The following DNAJC13 variants were observed in gnomAD, a reference collection of about 807,000 sequenced individuals.
DNAJC13 encodes the protein dnaJ homolog subfamily C member 13.
Under a neutral mutation model 290.5 loss-of-function variants are expected in DNAJC13, and 75 were observed. The observed-to-expected ratio is 0.26, with a 90% CI of 0.21 to 0.31. The LOEUF (loss-of-function observed/expected upper bound fraction) is 0.31. DNAJC13 is among the 10% of genes least tolerant of loss of function. The probability of loss-of-function intolerance (pLI) is 1.00; values close to 1 mark genes in which losing one functional copy is unlikely to be tolerated. For missense variants in DNAJC13, 2,260 were observed against 2,674.5 expected, an observed-to-expected ratio of 0.85 and a Z score of 3.42; for synonymous variants, 862 against 892.0, an observed-to-expected ratio of 0.97 and a Z score of 0.60.
chr3:132,471,579 G>T (rs1394941007), intron 20 of DNAJC13, among the ~76,000 whole-genome samples: 3 of 139,438 alleles, frequency 2.2e-5, no homozygotes, highest in African/African-American at 8.1e-5. Flanking sequence ...GGTCTCGGCC[G>T]GGCAGAGGCA....
Position 132,511,141 on chromosome 3 carries a change from C to T in DNAJC13, c.5190C>T (p.Ala1730=). ...SQAQYLHTFM[A]ITHAAKVESE... ...CCCAATACTTGCACACATTCATGGCCATCACACACGCGGCAAAAGTGGAGT... is the reference window on the plus strand; with the variant it reads ...CCCAATACTTGCACACATTCATGGCTATCACACACGCGGCAAAAGTGGAGT... The change falls in exon 44 of 56, where the codon GCC becomes GCT. Residue 1730 remains alanine (A), a synonymous_variant. Coordinates refer to ENST00000260818, the MANE Select transcript of DNAJC13 (RefSeq NM_015268.4). The T allele has an allele frequency of 6.2e-7, 1 of 1,613,928 alleles. No homozygotes were observed. Among genetic ancestry groups the T allele is most frequent in the Non-Finnish European group, 8.5e-7 (1 of 1,179,932 alleles).
At position 132,427,112 on chromosome 3, in the gene DNAJC13, T is replaced by A. The variant is rs929174650; in HGVS notation, c.-13-7426T>A. ...GTGTGTGTGTGTGTGTGCACGTGTGTGTGTGTGTATATATATATATATTTT... is the reference window on the plus strand; with the variant it reads ...GTGTGTGTGTGTGTGTGCACGTGTGAGTGTGTGTATATATATATATATTTT... On this transcript the variant is annotated intron_variant, in intron 1 of 55. Coordinates refer to ENST00000260818, the MANE Select transcript of DNAJC13 (RefSeq NM_015268.4). Among the ~76,000 whole-genome samples, 5 of 128,554 alleles carry A rather than the reference T, an allele frequency of 3.9e-5. No individual in the cohort carries two copies. In the East Asian group the frequency reaches 6.9e-4, roughly 18 times the overall value. The allele number at this position is 128,554 out of a possible 152,430, so 84.3% of individuals were successfully genotyped here. A position where few individuals can be genotyped will look rare whatever the true frequency, so the allele number is the denominator to read the frequency against.
At chr3:132,430,569 G>T (rs1939213945) in intron 1 of DNAJC13, among the ~76,000 whole-genome samples, 1 of 151,996 alleles carries the variant, frequency 6.6e-6, no homozygotes, top group Non-Finnish European at 1.5e-5. Context: ...TAGGCCCTTG[G>T]TACAGAGTCA....
At chr3:132,495,210 T>A in intron 35 of DNAJC13, 44 bp downstream of exon 35, 1 of 1,479,018 alleles carries the variant, frequency 6.8e-7, no homozygotes, top group Non-Finnish European at 9.4e-7. Flanking sequence ...TTCCTCTTGC[T>A]CTATTATTAT....
At chr3:132,456,061 C>T (rs1005413947) in intron 9 of DNAJC13, among the ~76,000 whole-genome samples, 174 bp from the exon 10 acceptor site, 3 of 152,144 alleles carry the variant, frequency 2.0e-5, no homozygotes, top group East Asian at 3.8e-4. Context: ...TGTAGCAGCA[C>T]GGTGAAGAGC....
In DNAJC13 at chr3:132,456,658, C is replaced by T; in HGVS notation, c.1180-5C>T. The stretch of plus-strand genomic sequence containing the variant: ...ACTTTTTTGAAATACTCTTTCTTCA[C>T]CTAGGGTCTCTTCTCAGAAAACAAA... On this transcript the variant is annotated splice_polypyrimidine_tract_variant and splice_region_variant and intron_variant, in intron 11 of 55. Transcript: ENST00000260818. 5.0e-6 allele frequency: 8 copies of T among 1,613,586 alleles called. No homozygotes were observed. Among genetic ancestry groups the T allele is most frequent in the Non-Finnish European group, 5.1e-6 (6 of 1,179,740 alleles).
chr3:132,431,669 C>T (rs754829861), intron 1 of DNAJC13, among the ~76,000 whole-genome samples: 17 of 152,124 alleles, frequency 1.1e-4, no homozygotes, highest in Admixed American at 7.9e-4. Flanking sequence ...TATGTATGTT[C>T]ACACAAAAAC....
intron 20 of DNAJC13, among the ~76,000 whole-genome samples, chr3:132,471,071 C>A: frequency 7.7e-6 from 1 of 130,430 alleles, no homozygotes; most frequent in South Asian, 2.5e-4. Flanking sequence ...GGGGGGCTTA[C>A]CCCCCCACCT....
chr3:132,466,511 T>A, intron 19 of DNAJC13, 117 bp downstream of exon 19: 1 of 685,508 alleles, frequency 1.5e-6, no homozygotes, highest in Non-Finnish European at 2.2e-6. Flanking sequence ...CATTGAATAG[T>A]ATACTTAACT....
chr3:132,523,720 T>C lies in DNAJC13; in HGVS notation c.6060+7T>C. On this transcript the variant is annotated splice_region_variant and intron_variant, in intron 51 of 55. Transcript: ENST00000260818. ...AGAGAAGAACAATCCTCATGTAAGC[T>C]TCAGTCAAAAGCAAAACATTTCAAA... 1 of 1,610,208 alleles carries C rather than the reference T, an allele frequency of 6.2e-7. No individual in the cohort carries two copies. The highest frequency in any genetic ancestry group is 8.5e-7 in the Non-Finnish European group (1 of 1,178,578).
chr3:132,473,615 A>G (rs1233648814), intron 21 of DNAJC13, among the ~76,000 whole-genome samples: 2 of 152,088 alleles, frequency 1.3e-5, no homozygotes, highest in Non-Finnish European at 2.9e-5. Context: ...CTTCCCTCCT[A>G]TCAAATGTGG....
At chr3:132,514,183 T>A (rs181560551) in intron 45 of DNAJC13, among the ~76,000 whole-genome samples, 2 of 152,282 alleles carry the variant, frequency 1.3e-5, no homozygotes. Flanking sequence ...ACATACCTAT[T>A]TCTTTATAAT....
At chr3:132,478,853 T>TTTGTTGCA (rs1673918714) in intron 24 of DNAJC13, among the ~76,000 whole-genome samples, 1 of 152,218 alleles carries the variant, frequency 6.6e-6, no homozygotes, top group South Asian at 2.1e-4. Flanking sequence ...TTGCTGCCTG[T>TTTGTTGCA]TTGTTGCAGT....
At chr3:132,451,260 G>C (rs993744080) in intron 6 of DNAJC13, among the ~76,000 whole-genome samples, 2 of 152,062 alleles carry the variant, frequency 1.3e-5, no homozygotes, top group Non-Finnish European at 2.9e-5. Flanking sequence ...CCAGGAGTTT[G>C]AGACCTGCCT....
At chr3:132,467,557 C>T (rs1314647643) in intron 20 of DNAJC13, among the ~76,000 whole-genome samples, 12 of 152,166 alleles carry the variant, frequency 7.9e-5, no homozygotes, top group Non-Finnish European at 1.8e-4. Flanking sequence ...GCTCCGCCTC[C>T]TGGGTTCACG....
At chr3:132,460,541 C>T (rs182640066) in intron 14 of DNAJC13, among the ~76,000 whole-genome samples, 184 bp downstream of exon 14, 11 of 151,846 alleles carry the variant, frequency 7.2e-5, no homozygotes, top group African/African-American at 2.2e-4. Flanking sequence ...ATCCATTCAC[C>T]TGGGAAGGAT....
chr3:132,459,995 G>A (rs568507226), intron 13 of DNAJC13, among the ~76,000 whole-genome samples: 1 of 152,306 alleles, frequency 6.6e-6, no homozygotes, highest in African/African-American at 2.4e-5. Context: ...AATAAGATCT[G>A]TGACTTTTGA....
chr3:132,533,583 G>C (rs545302541), intron 55 of DNAJC13, among the ~76,000 whole-genome samples: 5 of 150,260 alleles, frequency 3.3e-5, no homozygotes, highest in African/African-American at 1.2e-4. Context: ...TGATCCACCC[G>C]CCTCAAATGA....
chr3:132,461,154 G>T lies in DNAJC13; in HGVS notation c.1662G>T (p.Met554Ile). Residue 554 changes from methionine to isoleucine, a missense_variant, in exon 15 of 56, where the codon ATG (methionine) becomes ATT (isoleucine). Physicochemically the swap from Met to Ile is conservative, Grantham distance 10. Coordinates refer to ENST00000260818, the MANE Select transcript of DNAJC13 (RefSeq NM_015268.4). Reference protein sequence around the residue: ...SETTEGQQFDMLLEMVASNGR... With the variant: ...SETTEGQQFDILLEMVASNGR... ...CAACTGAAGGGCAGCAGTTTGATAT[G>T]CTCTTGGAGATGGTAGCATCCAATG... 1 of 1,614,036 alleles carries T rather than the reference G, an allele frequency of 6.2e-7. No homozygotes were observed. Among genetic ancestry groups the T allele is most frequent in the South Asian group, 1.1e-5 (1 of 91,074 alleles).
Sources: gnomAD v4.1 joint callset for allele counts (sites outside exome capture counted in the v4.1 genomes callset) on GRCh38, gnomAD v4.1.1 for gene constraint, MANE v1.5 for transcripts, NCBI Gene and HGNC (gene_info 2026-07-23, HGNC 2026-07-21) for gene names.